POFUT2: variants seen among roughly 807,000 people sequenced by gnomAD.
POFUT2 encodes protein O-fucosyltransferase 2.
A neutral mutation model predicts 55.0 loss-of-function variants in POFUT2; 30 were observed. The ratio of observed to expected loss-of-function variants is 0.55; its 90% CI spans 0.41 to 0.74. The LOEUF (loss-of-function observed/expected upper bound fraction) is 0.74. POFUT2 is among the 30% of genes least tolerant of loss of function. The pLI, the probability that POFUT2 is intolerant of heterozygous loss-of-function variation, is 0.00. For missense variants in POFUT2, 524 were observed against 562.6 expected (o/e 0.93, Z 0.69); for synonymous variants, 267 against 231.1 (o/e 1.16, Z -1.41).
Position 45,264,830 on chromosome 21 carries a change from C to A in POFUT2, c.*652G>T, listed in dbSNP as rs1056093490. 2 of 152,450 alleles carry A rather than the reference C, an allele frequency of 1.3e-5. No homozygotes were observed. Among genetic ancestry groups the A allele is most frequent in the African/African-American group, 4.8e-5 (2 of 41,452 alleles). The allele number at this position is 152,450 out of a possible 1,614,324, so 9.4% of individuals were successfully genotyped here. A position where few individuals can be genotyped will look rare whatever the true frequency, so the allele number is the denominator to read the frequency against. On this transcript the variant is annotated 3_prime_UTR_variant, in exon 9 of 9. Transcript: ENST00000349485. ...CCCCAGAGACGTCACTGAAAAACTT[C>A]CCAGTGCTCTGACGTGCCAGCAGTA...
At chr21:45,271,147 A>AC (rs2093216661) in intron 6 of POFUT2, among the ~76,000 whole-genome samples, 1 of 152,190 alleles carries the variant, frequency 6.6e-6, no homozygotes, top group Non-Finnish European at 1.5e-5. Flanking sequence ...ATTAAAAAAA[A>AC]AACAACAACA....
chr21:45,277,097 CTCCCACCT>C lies in POFUT2; in HGVS notation c.743_750del (p.Glu248GlyfsTer90). ...TTGAGATGTCTGCTCCTGAACTCGTCTCCCACCTCCCGCAGGTGCCTGGCAAACACCAT... is the reference window on the plus strand; with the variant it reads ...TTGAGATGTCTGCTCCTGAACTCGTCCCCGCAGGTGCCTGGCAAACACCAT... On this transcript the variant is annotated frameshift_variant, in exon 6 of 9. Coordinates refer to ENST00000349485, the MANE Select transcript of POFUT2 (RefSeq NM_133635.6). LOFTEE classifies it high-confidence loss of function. This position sits in a 1 kb window ranked among gnomAD's most constrained non-coding sequence, Gnocchi z 6.9. 2.5e-6 allele frequency: 4 copies of C among 1,614,130 alleles called. No homozygotes were observed. Among genetic ancestry groups the C allele is most frequent in the Non-Finnish European group, 2.5e-6 (3 of 1,180,002 alleles).
intron 8 of POFUT2, chr21:45,266,733 A>G: frequency 2.0e-6 from 2 of 998,168 alleles, no homozygotes; most frequent in Non-Finnish European, 2.4e-6. Context: ...CACAGGAAAT[A>G]GCAGATGTGT....
At position 45,282,381 on chromosome 21, in the gene POFUT2, C is replaced by T. The variant is rs758978141; in HGVS notation, c.606G>A (p.Val202=). The stretch of plus-strand genomic sequence containing the variant: ...ATGTGTTTCTCAGCAGCAGGGGCGC[C>T]ACGATGGAGGCTGAGCCCTGGACGG... ...CLSVQGSASI[V]APLLLRNTSA... is the part of the protein sequence containing the mutation. The change falls in exon 4 of 9, where the codon GTG becomes GTA. Residue 202 remains valine (V), a synonymous_variant. Coordinates refer to ENST00000349485, the MANE Select transcript of POFUT2 (RefSeq NM_133635.6). This position sits in a 1 kb window ranked among gnomAD's most constrained non-coding sequence, Gnocchi z 4.6. 2.5e-6 allele frequency: 4 copies of T among 1,613,336 alleles called. No homozygotes were observed. In the African/African-American group the frequency reaches 5.3e-5, roughly 22 times the overall value.
chr21:45,273,262 T>C (rs2093234399), intron 6 of POFUT2, among the ~76,000 whole-genome samples: 1 of 152,118 alleles, frequency 6.6e-6, no homozygotes, highest in East Asian at 1.9e-4. Flanking sequence ...ATGAACACTT[T>C]TATGCGCACA....
intron 6 of POFUT2, among the ~76,000 whole-genome samples, chr21:45,271,171 A>C (rs2093217055): frequency 6.6e-6 from 1 of 152,304 alleles, no homozygotes; most frequent in South Asian, 2.1e-4. Flanking sequence ...ATATGGATGA[A>C]AAATGCTCCA....
chr21:45,286,169 G>A (rs937168758), intron 1 of POFUT2, among the ~76,000 whole-genome samples: 21 of 152,306 alleles, frequency 1.4e-4, no homozygotes, highest in African/African-American at 5.1e-4. Flanking sequence ...TAAGGCAGAG[G>A]AATCCCAGTG....
rs2093271844 is a variant in POFUT2 at position 45,277,117 on chromosome 21, C to T, written c.731G>A (p.Arg244Lys). The change falls in exon 6 of 9, where the codon AGG (arginine) becomes AAG (lysine). Residue 244 changes from arginine (R) to lysine (K), a missense_variant. This residue lies in a region of POFUT2 where 250 missense variants were observed against 318.2 expected (regional missense o/e 0.79). Transcript: ENST00000349485. The surrounding 1 kb of genome is among the most constrained non-coding windows in gnomAD (Gnocchi z 6.9). ...CTCGTCTCCCACCTCCCGCAGGTGC[C>T]TGGCAAACACCATGCTGCGACGGGT... is the stretch of plus-strand genomic sequence containing the variant. ...WDTRRSMVFARHLREVGDEFR... is the reference protein window; with the variant it reads ...WDTRRSMVFAKHLREVGDEFR... The T allele has an allele frequency of 3.1e-6, 5 of 1,613,946 alleles. No individual in the cohort carries two copies. The highest frequency in any genetic ancestry group is 4.2e-6 in the Non-Finnish European group (5 of 1,179,988).
intron 1 of POFUT2, among the ~76,000 whole-genome samples, chr21:45,286,449 C>G (rs1245910211): frequency 6.6e-6 from 1 of 152,212 alleles, no homozygotes; most frequent in East Asian, 1.9e-4. Flanking sequence ...TTGCAAATCT[C>G]TTTTGGGTTT....
In POFUT2 at chr21:45,267,506, T is replaced by G; in HGVS notation, c.1136+84A>C. 1 of 1,614,154 alleles carries G rather than the reference T, an allele frequency of 6.2e-7. No individual in the cohort carries two copies. The highest frequency in any genetic ancestry group is 8.5e-7 in the Non-Finnish European group (1 of 1,180,032). On this transcript the variant is annotated intron_variant, in intron 8 of 8. Transcript: ENST00000349485. The surrounding 1 kb of genome is among the most constrained non-coding windows in gnomAD (Gnocchi z 4.4). ...ACCACTGTGAACACAGGCGACCATC[T>G]GCTCTGACACCGAGTACTTGGGACA...
intron 3 of POFUT2, 86 bp downstream of exon 3, chr21:45,283,297 G>T (rs1274337960): frequency 4.7e-4 from 290 of 623,534 alleles, no homozygotes; most frequent in Non-Finnish European, 6.1e-4. Flanking sequence ...GTGGGCGGGG[G>T]GCGCCTGAGG....
chr21:45,267,990 C>G lies in POFUT2; in HGVS notation c.1013-277G>C, dbSNP rs2093172879. 6.6e-6 allele frequency among the ~76,000 whole-genome samples: 1 copy of G among 151,900 alleles called. No individual in the cohort carries two copies. Among genetic ancestry groups the G allele is most frequent in the East Asian group, 1.9e-4 (1 of 5,186 alleles). On this transcript the variant is annotated intron_variant, in intron 7 of 8. Coordinates refer to ENST00000349485, the MANE Select transcript of POFUT2 (RefSeq NM_133635.6). This position sits in a 1 kb window ranked among gnomAD's most constrained non-coding sequence, Gnocchi z 4.4. ...GTGCTCCCTCTCCCTCTCCTTCTCC[C>G]TCTCCCTCTCCCCACGGTCTCCCTC...
Position 45,267,537 on chromosome 21 carries a change from A to T in POFUT2, c.1136+53T>A. 3 of 1,614,124 alleles carry T rather than the reference A, an allele frequency of 1.9e-6. No homozygotes were observed. The highest frequency in any genetic ancestry group is 2.5e-6 in the Non-Finnish European group (3 of 1,180,022). On this transcript the variant is annotated intron_variant, in intron 8 of 8. Coordinates refer to ENST00000349485, the MANE Select transcript of POFUT2 (RefSeq NM_133635.6). This position sits in a 1 kb window ranked among gnomAD's most constrained non-coding sequence, Gnocchi z 4.4. Reference sequence around the variant, plus strand: ...GACACCGAGTACTTGGGACAGAAGAACCTTTGAAAGCCACCCGACCCGCTC... The same window carrying T: ...GACACCGAGTACTTGGGACAGAAGATCCTTTGAAAGCCACCCGACCCGCTC...
intron 7 of POFUT2, among the ~76,000 whole-genome samples, chr21:45,269,497 T>C (rs930793847): frequency 6.6e-6 from 1 of 152,122 alleles, no homozygotes; most frequent in African/African-American, 2.4e-5. Context: ...CCCCCAACCC[T>C]GTGCTCTCTG....
chr21:45,267,408 A>G lies in POFUT2; in HGVS notation c.1136+182T>C. On this transcript the variant is annotated intron_variant, in intron 8 of 8. Transcript: ENST00000349485. This position sits in a 1 kb window ranked among gnomAD's most constrained non-coding sequence, Gnocchi z 4.4. The stretch of plus-strand genomic sequence containing the variant: ...AACTAAAGGGGCAAGATGAACAATT[A>G]ACTTCAGCCCAGGGAAACACTGAAC... 1.2e-6 allele frequency: 2 copies of G among 1,606,244 alleles called. No individual in the cohort carries two copies. Among genetic ancestry groups the G allele is most frequent in the Non-Finnish European group, 1.7e-6 (2 of 1,174,674 alleles).
chr21:45,267,209 T>C lies in POFUT2; in HGVS notation c.1136+381A>G. 2.1e-6 allele frequency: 3 copies of C among 1,395,956 alleles called. No individual in the cohort carries two copies. The highest frequency in any genetic ancestry group is 1.9e-6 in the Non-Finnish European group (2 of 1,076,784). 86.5% of individuals were successfully genotyped at this position (1,395,956 alleles called of 1,614,324 possible). A position where few individuals can be genotyped will look rare whatever the true frequency, so the allele number is the denominator to read the frequency against. ...TCCCGGCCTCGGGGACGCTCACGGA[T>C]GCTCAACAACACAGCAACAAGGACA... On this transcript the variant is annotated intron_variant, in intron 8 of 8. Transcript: ENST00000349485. This position sits in a 1 kb window ranked among gnomAD's most constrained non-coding sequence, Gnocchi z 4.4.
In POFUT2 at chr21:45,277,914, G is replaced by A; in HGVS notation, c.705+189C>T. The stretch of plus-strand genomic sequence containing the variant: ...GCTGGGTGGCCCTGCGGGCTCCCGA[G>A]GACCTGGCTCTGCAGCCACGTGAGG... On this transcript the variant is annotated intron_variant, in intron 5 of 8. Coordinates refer to ENST00000349485, the MANE Select transcript of POFUT2 (RefSeq NM_133635.6). This position sits in a 1 kb window ranked among gnomAD's most constrained non-coding sequence, Gnocchi z 6.9. 1 of 649,002 alleles carries A rather than the reference G, an allele frequency of 1.5e-6. No individual in the cohort carries two copies. Among genetic ancestry groups the A allele is most frequent in the Non-Finnish European group, 2.7e-6 (1 of 364,724 alleles). The allele number at this position is 649,002 out of a possible 1,614,324, so 40.2% of individuals were successfully genotyped here. A position where few individuals can be genotyped will look rare whatever the true frequency, so the allele number is the denominator to read the frequency against.
chr21:45,283,962 C>G (rs1263535643), intron 2 of POFUT2, among the ~76,000 whole-genome samples: 2 of 152,234 alleles, frequency 1.3e-5, no homozygotes, highest in Non-Finnish European at 2.9e-5. Context: ...CCACCATCTA[C>G]TGCACTGGTG....
chr21:45,265,556 T>C lies in POFUT2; in HGVS notation c.1216A>G (p.Thr406Ala). The change falls in exon 9 of 9, where the codon ACG becomes GCG. Residue 406 changes from threonine to alanine, a missense_variant. Transcript: ENST00000349485. This position sits in a 1 kb window ranked among gnomAD's most constrained non-coding sequence, Gnocchi z 4.6. ...EREILGLDPK[T>A]TYNRFCGDQE... Reference sequence around the variant, plus strand: ...TCTCCGCAGAACCTGTTGTACGTCGTCTTGGGGTCCAACCCCAGGATTTCT... The same window carrying C: ...TCTCCGCAGAACCTGTTGTACGTCGCCTTGGGGTCCAACCCCAGGATTTCT... 6.2e-7 allele frequency: 1 copy of C among 1,614,146 alleles called. No homozygotes were observed. Among genetic ancestry groups the C allele is most frequent in the Non-Finnish European group, 8.5e-7 (1 of 1,179,998 alleles).
Sources: allele counts gnomAD v4.1 joint callset (sites outside exome capture counted in the v4.1 genomes callset), GRCh38; gene constraint gnomAD v4.1.1; regional missense constraint gnomAD v4.1.1; non-coding constraint Gnocchi (gnomAD v3.1); transcripts MANE v1.5; gene names NCBI Gene and HGNC (gene_info 2026-07-23, HGNC 2026-07-21).